LRSAM1: variants seen among roughly 807,000 people sequenced by gnomAD.
The protein encoded by LRSAM1 is E3 ubiquitin-protein ligase LRSAM1.
Under a neutral mutation model 118.1 loss-of-function variants are expected in LRSAM1, and 96 were observed. The observed-to-expected ratio is 0.81, with a 90% CI of 0.69 to 0.96. The LOEUF is 0.96. Among genes scored for constraint, LRSAM1 ranks in the 40% least tolerant of loss-of-function variants. LRSAM1 has a pLI of 0.00. For missense variants in LRSAM1, 804 were observed against 915.5 expected, an observed-to-expected ratio of 0.88 and a Z score of 1.57; for synonymous variants, 322 against 364.2, an observed-to-expected ratio of 0.88 and a Z score of 1.32.
chr9:127,501,658 G>A (rs1411194994), intron 25 of LRSAM1, among the ~76,000 whole-genome samples: 1 of 152,144 alleles, frequency 6.6e-6, no homozygotes, highest in African/African-American at 2.4e-5. Context: ...CTTGAACCCG[G>A]GAGGCAGAGA....
At chr9:127,474,054 T>C in intron 11 of LRSAM1, 123 bp downstream of exon 11, 1 of 1,457,116 alleles carries the variant, frequency 6.9e-7, no homozygotes, top group South Asian at 1.2e-5. Flanking sequence ...GATTCCTCCA[T>C]AGAACTAGAA....
intron 16 of LRSAM1, among the ~76,000 whole-genome samples, chr9:127,483,408 C>G (rs1835611209): frequency 6.6e-6 from 1 of 151,686 alleles, no homozygotes; most frequent in South Asian, 2.1e-4. Context: ...GATCACACTA[C>G]TGCACTCCAG....
chr9:127,480,431 G>A (rs760551844), intron 14 of LRSAM1, among the ~76,000 whole-genome samples: 3 of 152,278 alleles, frequency 2.0e-5, no homozygotes, highest in South Asian at 2.1e-4. Flanking sequence ...GAGACATGGC[G>A]CCAGAAAAGC....
chr9:127,458,214 C>A (rs541066469), intron 6 of LRSAM1, among the ~76,000 whole-genome samples: 1 of 152,116 alleles, frequency 6.6e-6, no homozygotes, highest in East Asian at 1.9e-4. Context: ...AACCCCGTCT[C>A]TACTAAAAAT....
rs371240206 is a variant in LRSAM1, at chr9:127,496,050, C to G, written c.1785C>G (p.Leu595=). Residue 595 remains leucine (L), a synonymous_variant, in exon 23 of 26, where the codon CTC becomes CTG. Coordinates refer to ENST00000300417, the MANE Select transcript of LRSAM1 (RefSeq NM_001005373.4). Reference sequence around the variant, plus strand: ...TGCCCATCTTTGCGCACCACCGCCTCTCACTGGACCTGCTGAGCCAAATGA... The same window carrying G: ...TGCCCATCTTTGCGCACCACCGCCTGTCACTGGACCTGCTGAGCCAAATGA... ...HYLPIFAHHR[L]SLDLLSQMSP... is the part of the protein sequence containing the mutation. 1.2e-6 allele frequency: 2 copies of G among 1,612,154 alleles called. No homozygotes were observed. The highest frequency in any genetic ancestry group is 2.7e-5 in the African/African-American group (2 of 74,940).
intron 5 of LRSAM1, 39 bp from the exon 6 acceptor site, chr9:127,457,277 C>T: frequency 1.2e-6 from 2 of 1,612,440 alleles, no homozygotes; most frequent in Non-Finnish European, 1.7e-6. Flanking sequence ...GCCTGCTGCT[C>T]TTCCTCAGCC....
chr9:127,474,542 T>C (rs552093967), intron 11 of LRSAM1, among the ~76,000 whole-genome samples: 48 of 152,308 alleles, frequency 3.2e-4, no homozygotes, highest in African/African-American at 1.1e-3. Flanking sequence ...GTAGCACTTA[T>C]CACAGCGCTA....
intron 11 of LRSAM1, among the ~76,000 whole-genome samples, chr9:127,478,550 TGTGA>T (rs1303247607): frequency 2.0e-5 from 3 of 152,230 alleles, no homozygotes; most frequent in Non-Finnish European, 2.9e-5. Context: ...CTTTGTGCAC[TGTGA>T]GTATTTTGGT....
At chr9:127,487,511 A>AGGG in intron 17 of LRSAM1, 165 bp from the exon 18 acceptor site, 1 of 637,808 alleles carries the variant, frequency 1.6e-6, no homozygotes, top group Non-Finnish European at 2.9e-6. Context: ...GGATTCAGAC[A>AGGG]GACTCAGTGT....
chr9:127,486,965 C>G (rs1230315952), intron 17 of LRSAM1, among the ~76,000 whole-genome samples: 1 of 151,994 alleles, frequency 6.6e-6, no homozygotes, highest in Non-Finnish European at 1.5e-5. Context: ...GGTGGATCAC[C>G]TGAGGTCGGG....
intron 16 of LRSAM1, among the ~76,000 whole-genome samples, chr9:127,485,285 C>T (rs1281322390): frequency 1.3e-5 from 2 of 152,104 alleles, no homozygotes; most frequent in Non-Finnish European, 2.9e-5. Context: ...ACAGGCCGGG[C>T]GCAGTGGCTC....
At chr9:127,479,748 G>A (rs1835463599) in intron 13 of LRSAM1, 91 bp from the exon 14 acceptor site, 2 of 1,534,168 alleles carry the variant, frequency 1.3e-6, no homozygotes, top group Admixed American at 3.6e-5. Flanking sequence ...GGCAAGGCAG[G>A]GTGGGAAAGC....
intron 25 of LRSAM1, among the ~76,000 whole-genome samples, chr9:127,502,549 T>C (rs944324881): frequency 7.2e-5 from 11 of 151,924 alleles, no homozygotes; most frequent in African/African-American, 1.7e-4. Context: ...TAGCCAGGTA[T>C]GGTGGTGCAC....
At chr9:127,484,619 C>T (rs1233738859) in intron 16 of LRSAM1, among the ~76,000 whole-genome samples, 5 of 151,686 alleles carry the variant, frequency 3.3e-5, no homozygotes, top group African/African-American at 9.7e-5. Flanking sequence ...CTTGGCCTCC[C>T]GTAAGTGCTT....
chr9:127,479,046 T>A, intron 12 of LRSAM1, 83 bp downstream of exon 12: 1 of 1,445,976 alleles, frequency 6.9e-7, no homozygotes, highest in Non-Finnish European at 9.7e-7. Flanking sequence ...AGAAAATGAC[T>A]TCTTCCCAGC....
intron 9 of LRSAM1, among the ~76,000 whole-genome samples, chr9:127,466,904 G>A (rs1834972702): frequency 6.6e-6 from 1 of 152,108 alleles, no homozygotes; most frequent in African/African-American, 2.4e-5. Context: ...TCAGGAGGCT[G>A]AAGTGGGAGG....
chr9:127,479,297 A>C (rs1835444028), intron 12 of LRSAM1, 86 bp from the exon 13 acceptor site: 1 of 1,591,876 alleles, frequency 6.3e-7, no homozygotes, highest in African/African-American at 1.3e-5. Flanking sequence ...CTGCCCTGTC[A>C]GTGTTGAGGG....
intron 6 of LRSAM1, among the ~76,000 whole-genome samples, chr9:127,458,689 T>C (rs1564252190): frequency 6.6e-6 from 1 of 152,242 alleles, no homozygotes; most frequent in Non-Finnish European, 1.5e-5. Flanking sequence ...CAATATTTTA[T>C]CGCATATTTG....
Position 127,482,981 on chromosome 9 carries a change from C to G in LRSAM1, c.1120C>G (p.Gln374Glu), listed in dbSNP as rs1488933151. 6.3e-7 allele frequency: 1 copy of G among 1,576,136 alleles called. No homozygotes were observed. Among genetic ancestry groups the G allele is most frequent in the East Asian group, 2.3e-5 (1 of 43,070 alleles). Reference sequence around the variant, plus strand: ...AATGGAACAGTTGATGTCCATAACCCAGGAGGAGACTGAGAGCCTGCGGCG... The same window carrying G: ...AATGGAACAGTTGATGTCCATAACCGAGGAGGAGACTGAGAGCCTGCGGCG... ...IRMEQLMSIT[Q>E]EETESLRRRD... The change falls in exon 16 of 26, where the codon CAG (glutamine) becomes GAG (glutamate). Residue 374 changes from glutamine to glutamate, a missense_variant. By Grantham distance (29) the Gln-to-Glu change is conservative. Coordinates refer to ENST00000300417, the MANE Select transcript of LRSAM1 (RefSeq NM_001005373.4).
Sources: gnomAD v4.1 joint callset for allele counts (sites outside exome capture counted in the v4.1 genomes callset) on GRCh38, gnomAD v4.1.1 for gene constraint, MANE v1.5 for transcripts, NCBI Gene and HGNC (gene_info 2026-07-23, HGNC 2026-07-21) for gene names.